Variants in GATA6 observed in about 807,000 individuals in gnomAD.
GATA6 encodes the protein transcription factor GATA-6.
A neutral mutation model predicts 48.1 loss-of-function variants in GATA6; 11 were observed. That is an observed-to-expected ratio of 0.23 (90% CI 0.14 to 0.38). The LOEUF is 0.38. Ranked by LOEUF, GATA6 falls within the 10% of genes least tolerant of loss-of-function variation. The pLI is 1.00. For missense variants in GATA6, 795 were observed against 850.3 expected (o/e 0.93, Z 0.81); for synonymous variants, 419 against 396.1 (o/e 1.06, Z -0.69).
intron 6 of GATA6, among the ~76,000 whole-genome samples, chr18:22,192,872 G>A (rs1762094986): frequency 6.6e-6 from 1 of 152,108 alleles, no homozygotes; most frequent in Non-Finnish European, 1.5e-5. Context: ...AAAGTTTGGC[G>A]CCTTTCTTCA....
chr18:22,181,635 T>G lies in GATA6; in HGVS notation c.1428+57T>G, dbSNP rs1390305778. 6 of 1,595,096 alleles carry G rather than the reference T, an allele frequency of 3.8e-6. No individual in the cohort carries two copies. The East Asian group carries it at 1.1e-4, about 30-fold the overall frequency. On this transcript the variant is annotated intron_variant, in intron 4 of 6. Transcript: ENST00000269216. ...CATTTAGTATCTGGTTTGTATGTGA[T>G]ATCAGTTACAAAGAATCAGCAAATG...
At chr18:22,200,174 AGAGT>A (rs907897966) in intron 6 of GATA6, among the ~76,000 whole-genome samples, 1 of 114,010 alleles carries the variant, frequency 8.8e-6, no homozygotes, top group Non-Finnish European at 1.8e-5. Context: ...AAGCCTTGTT[AGAGT>A]GTGTGTGTGT....
At chr18:22,191,382 A>G (rs1039400336) in intron 6 of GATA6, among the ~76,000 whole-genome samples, 2 of 48,840 alleles carry the variant, frequency 4.1e-5, no homozygotes, top group South Asian at 1.2e-3. Context: ...CAACGCCTCT[A>G]TAAGAATATA....
chr18:22,177,101 A>T lies in GATA6; in HGVS notation c.1282A>T (p.Ile428Phe). The change falls in exon 3 of 7, where the codon ATC (isoleucine) becomes TTC (phenylalanine). Residue 428 changes from isoleucine (I) to phenylalanine (F), a missense_variant. Coordinates refer to ENST00000269216, the MANE Select transcript of GATA6 (RefSeq NM_005257.6). ...GATGAACGGCCTCAGCCGGCCCCTCATCAAGCCGCAGAAGCGCGTGGTGAG... is the reference window on the plus strand; with the variant it reads ...GATGAACGGCCTCAGCCGGCCCCTCTTCAAGCCGCAGAAGCGCGTGGTGAG... ...SKMNGLSRPL[I>F]KPQKRVPSSR... is the part of the protein sequence containing the mutation. The T allele has an allele frequency of 6.4e-7, 1 of 1,552,416 alleles. No individual in the cohort carries two copies. The highest frequency in any genetic ancestry group is 8.7e-7 in the Non-Finnish European group (1 of 1,150,046).
intron 6 of GATA6, among the ~76,000 whole-genome samples, chr18:22,189,138 CTGTG>C (rs978732870): frequency 6.6e-6 from 1 of 152,144 alleles, no homozygotes; most frequent in African/African-American, 2.4e-5. Flanking sequence ...TTCTGGGACA[CTGTG>C]TGCTTAGCTA....
intron 4 of GATA6, among the ~76,000 whole-genome samples, chr18:22,181,787 C>T (rs1330034384): frequency 6.6e-6 from 1 of 151,974 alleles, no homozygotes; most frequent in Non-Finnish European, 1.5e-5. Flanking sequence ...GAAATATTAC[C>T]TTATGCACCA....
intron 6 of GATA6, among the ~76,000 whole-genome samples, chr18:22,200,166 G>A (rs983442860): frequency 6.8e-6 from 1 of 146,842 alleles, no homozygotes; most frequent in African/African-American, 2.6e-5. Flanking sequence ...CACTGGATAA[G>A]CCTTGTTAGA....
intron 2 of GATA6, among the ~76,000 whole-genome samples, chr18:22,175,948 T>C (rs1349296319): frequency 6.6e-6 from 1 of 152,198 alleles, no homozygotes; most frequent in Non-Finnish European, 1.5e-5. Context: ...TGGTCTATAC[T>C]TACAATAAGT....
At position 22,172,303 on chromosome 18, in the gene GATA6, G is replaced by T; in HGVS notation, c.1135+24G>T. 2 of 1,529,916 alleles carry T rather than the reference G, an allele frequency of 1.3e-6. No individual in the cohort carries two copies. The highest frequency in any genetic ancestry group is 1.2e-5 in the South Asian group (1 of 83,702). 94.8% of individuals were successfully genotyped at this position (1,529,916 alleles called of 1,614,324 possible). A position where few individuals can be genotyped will look rare whatever the true frequency, so the allele number is the denominator to read the frequency against. The stretch of plus-strand genomic sequence containing the variant: ...AGGTAAGGGTCGCGCCTCAGGTTCG[G>T]GGTGCGGGTCCAAAGCGCTGGGGCG... On this transcript the variant is annotated intron_variant, in intron 2 of 6. Coordinates refer to ENST00000269216, the MANE Select transcript of GATA6 (RefSeq NM_005257.6). The surrounding 1 kb of genome is among the most constrained non-coding windows in gnomAD (Gnocchi z 5.2).
At position 22,201,726 on chromosome 18, in the gene GATA6, A is replaced by G. The variant is rs566392100; in HGVS notation, c.*903A>G. ...CTTTCTCTATTTGTTAAGAATTTTTATACAAGAACACCAATATACCCCCTT... is the reference window on the plus strand; with the variant it reads ...CTTTCTCTATTTGTTAAGAATTTTTGTACAAGAACACCAATATACCCCCTT... On this transcript the variant is annotated 3_prime_UTR_variant, in exon 7 of 7. Transcript: ENST00000269216. 6.5e-6 allele frequency: 1 copy of G among 152,774 alleles called. No individual in the cohort carries two copies. The highest frequency in any genetic ancestry group is 1.9e-4 in the East Asian group (1 of 5,188). 9.5% of individuals were successfully genotyped at this position (152,774 alleles called of 1,614,324 possible).
chr18:22,180,688 T>A (rs12960498), intron 3 of GATA6, among the ~76,000 whole-genome samples: 9,099 of 150,142 alleles, frequency 0.061, 427 homozygotes, highest in African/African-American at 0.13. Flanking sequence ...TTTTTTTTTT[T>A]TAAAAAAAAC....
intron 3 of GATA6, among the ~76,000 whole-genome samples, chr18:22,180,718 G>A (rs1402555800): frequency 6.7e-6 from 1 of 149,832 alleles, no homozygotes; most frequent in Non-Finnish European, 1.5e-5. Context: ...TCTTCTGAAA[G>A]CCATTTCTAA....
chr18:22,187,175 T>TA, intron 6 of GATA6, among the ~76,000 whole-genome samples: 1 of 152,344 alleles, frequency 6.6e-6, no homozygotes, highest in East Asian at 1.9e-4. Flanking sequence ...TTAGTTGATC[T>TA]AAATAGATAT....
intron 6 of GATA6, among the ~76,000 whole-genome samples, chr18:22,190,196 T>C (rs1316606464): frequency 2.0e-5 from 3 of 152,208 alleles, no homozygotes; most frequent in Non-Finnish European, 4.4e-5. Context: ...AGACAGTTAA[T>C]GCAAATTTTC....
rs1369441156 is a variant in GATA6 at position 22,171,087 on chromosome 18, G to C, written c.-37-21G>C. ...AACCCGTCGATCTCCTACCATACCC[G>C]TCTCCCCCACCCCACCTCAGGAGCT... On this transcript the variant is annotated intron_variant, in intron 1 of 6. Coordinates refer to ENST00000269216, the MANE Select transcript of GATA6 (RefSeq NM_005257.6). This position sits in a 1 kb window ranked among gnomAD's most constrained non-coding sequence, Gnocchi z 7.1. 2 of 1,494,346 alleles carry C rather than the reference G, an allele frequency of 1.3e-6. No homozygotes were observed. The highest frequency in any genetic ancestry group is 1.8e-6 in the Non-Finnish European group (2 of 1,089,022). The allele number at this position is 1,494,346 out of a possible 1,614,324, so 92.6% of individuals were successfully genotyped here. A position where few individuals can be genotyped will look rare whatever the true frequency, so the allele number is the denominator to read the frequency against.
intron 6 of GATA6, among the ~76,000 whole-genome samples, chr18:22,195,250 G>A (rs868196579): frequency 3.3e-5 from 5 of 152,326 alleles, no homozygotes; most frequent in South Asian, 4.1e-4. Flanking sequence ...TCACATGTGC[G>A]TGGCTGGCCA....
intron 2 of GATA6, among the ~76,000 whole-genome samples, chr18:22,174,489 G>A (rs1434551437): frequency 6.6e-6 from 1 of 152,054 alleles, no homozygotes; most frequent in Admixed American, 6.6e-5. Context: ...CACAGTTAGA[G>A]GAATTTTCTG....
Position 22,170,547 on chromosome 18 carries a change from GC to G in GATA6, c.-37-559del, listed in dbSNP as rs2033019322. ...GCGCAGTCCGGGAAGCTCTGGGAGA[GC>G]CAATATAGGAGAACGCGGCGGTTTC... On this transcript the variant is annotated intron_variant, in intron 1 of 6. Transcript: ENST00000269216. The surrounding 1 kb of genome is among the most constrained non-coding windows in gnomAD (Gnocchi z 6.7). 1.3e-5 allele frequency among the ~76,000 whole-genome samples: 2 copies of G among 152,244 alleles called. No individual in the cohort carries two copies. The highest frequency in any genetic ancestry group is 4.8e-5 in the African/African-American group (2 of 41,478).
chr18:22,190,155 A>C (rs911112512), intron 6 of GATA6, among the ~76,000 whole-genome samples: 5 of 152,246 alleles, frequency 3.3e-5, no homozygotes, highest in African/African-American at 1.2e-4. Context: ...AACTGTGAGA[A>C]GTTATTTGCT....
Sources: allele counts gnomAD v4.1 joint callset (sites outside exome capture counted in the v4.1 genomes callset), GRCh38; gene constraint gnomAD v4.1.1; non-coding constraint Gnocchi (gnomAD v3.1); transcripts MANE v1.5; gene names NCBI Gene and HGNC (gene_info 2026-07-23, HGNC 2026-07-21).